ZBTB46: variants seen among roughly 807,000 people sequenced by gnomAD.
ZBTB46 encodes zinc finger and BTB domain containing 46, also known as zinc finger and BTB domain-containing protein 46.
ZBTB46 carries 8 observed loss-of-function variants against 44.1 expected under a neutral mutation model. The observed-to-expected ratio is 0.18, with a 90% confidence interval of 0.11 to 0.33. ZBTB46 has a LOEUF of 0.33. Among genes scored for constraint, ZBTB46 ranks in the 10% least tolerant of loss-of-function variants. The pLI, the probability that ZBTB46 is intolerant of heterozygous loss-of-function variation, is 1.00. For synonymous variants in ZBTB46, 409 were observed against 382.3 expected (o/e 1.07, Z -0.81); for missense variants, 651 against 847.7 (o/e 0.77, Z 2.88).
At chr20:63,749,559 A>G (rs2092140317) in intron 4 of ZBTB46, among the ~76,000 whole-genome samples, 2 of 152,120 alleles carry the variant, frequency 1.3e-5, no homozygotes, top group Non-Finnish European at 2.9e-5. Flanking sequence ...GATGGTCTCG[A>G]TCTCCTGACC....
chr20:63,808,834 C>G (rs577449296), intron 1 of ZBTB46, among the ~76,000 whole-genome samples: 1 of 151,778 alleles, frequency 6.6e-6, no homozygotes, highest in Non-Finnish European at 1.5e-5. Flanking sequence ...AAAAATTAGC[C>G]GGGCGTGGTG....
rs943636648 is a variant in ZBTB46, at chr20:63,746,233, TGGG to T, written c.*694_*696del. 2 of 152,778 alleles carry T rather than the reference TGGG, an allele frequency of 1.3e-5. No homozygotes were observed. Among genetic ancestry groups the T allele is most frequent in the Non-Finnish European group, 2.9e-5 (2 of 68,158 alleles). 9.5% of individuals were successfully genotyped at this position (152,778 alleles called of 1,614,324 possible). A position where few individuals can be genotyped will look rare whatever the true frequency, so the allele number is the denominator to read the frequency against. On this transcript the variant is annotated 3_prime_UTR_variant, in exon 5 of 5. Transcript: ENST00000245663. ...GGGAACCTGGTGTGGCCTGAAGTGG[TGGG>T]GGGCACAGGGCTGAGGGTCCCCTCC... is the stretch of plus-strand genomic sequence containing the variant.
At chr20:63,817,092 CG>C (rs1221361794) in intron 1 of ZBTB46, among the ~76,000 whole-genome samples, 2 of 148,892 alleles carry the variant, frequency 1.3e-5, no homozygotes, top group African/African-American at 5.0e-5. Flanking sequence ...GCAACAAGAG[CG>C]AAACTCAGTC....
chr20:63,829,698 C>A (rs762110816), intron 1 of ZBTB46, among the ~76,000 whole-genome samples: 5 of 152,238 alleles, frequency 3.3e-5, no homozygotes, highest in Non-Finnish European at 7.3e-5. Context: ...CTGATAAATA[C>A]TGTCGCTTGC....
intron 2 of ZBTB46, among the ~76,000 whole-genome samples, chr20:63,785,697 A>G (rs1392413138): frequency 6.6e-6 from 1 of 152,228 alleles, no homozygotes; most frequent in East Asian, 1.9e-4. Flanking sequence ...CCAAACCCCA[A>G]GCTTCCAAAT....
intron 3 of ZBTB46, among the ~76,000 whole-genome samples, chr20:63,774,915 A>C (rs184056502): frequency 1.3e-5 from 2 of 151,806 alleles, no homozygotes; most frequent in East Asian, 3.9e-4. Context: ...GTGTTGGCCA[A>C]GATGGTCTCG....
At chr20:63,779,324 TCCG>T (rs2092450210) in intron 2 of ZBTB46, among the ~76,000 whole-genome samples, 1 of 151,668 alleles carries the variant, frequency 6.6e-6, no homozygotes, top group Non-Finnish European at 1.5e-5. Flanking sequence ...CACCGCAACC[TCCG>T]CCTCCCGGCT....
At chr20:63,800,944 C>G (rs1159617187) in intron 1 of ZBTB46, among the ~76,000 whole-genome samples, 1 of 152,254 alleles carries the variant, frequency 6.6e-6, no homozygotes, top group Non-Finnish European at 1.5e-5. Flanking sequence ...TGGCAGGCAG[C>G]TCCACCTGCA....
At chr20:63,781,158 A>AG (rs1317290902) in intron 2 of ZBTB46, among the ~76,000 whole-genome samples, 2 of 150,716 alleles carry the variant, frequency 1.3e-5, no homozygotes, top group African/African-American at 4.9e-5. Context: ...AAAAAAAAAA[A>AG]AAAAAGAAAG....
Position 63,752,734 on chromosome 20 carries a change from G to T in ZBTB46, c.1350C>A (p.Ile450=), listed in dbSNP as rs897859239. ...CGCGCCGCGTGAACTTCTTCCCGCAGATCTCGCAGGGGTAGGGCCGCTCTC... is the reference window on the plus strand; with the variant it reads ...CGCGCCGCGTGAACTTCTTCCCGCATATCTCGCAGGGGTAGGGCCGCTCTC... The part of the protein sequence containing the change: ...HTGERPYPCE[I]CGKKFTRREH... Residue 450 remains isoleucine, a synonymous_variant, in exon 4 of 5, where the codon ATC becomes ATA. Coordinates refer to ENST00000245663, the MANE Select transcript of ZBTB46 (RefSeq NM_001369741.1). This position sits in a 1 kb window ranked among gnomAD's most constrained non-coding sequence, Gnocchi z 5.6. 1.6e-5 allele frequency: 26 copies of T among 1,609,728 alleles called. No individual in the cohort carries two copies. Among genetic ancestry groups the T allele is most frequent in the Non-Finnish European group, 2.1e-5 (25 of 1,178,018 alleles).
At chr20:63,791,508 A>AC (rs2092560803) in intron 1 of ZBTB46, among the ~76,000 whole-genome samples, 1 of 152,016 alleles carries the variant, frequency 6.6e-6, no homozygotes, top group South Asian at 2.1e-4. Flanking sequence ...AAAAAAAAAA[A>AC]AAAAAAAAAA....
intron 1 of ZBTB46, chr20:63,815,264 GGCACCGGT>G: frequency 3.7e-6 from 1 of 272,862 alleles, no homozygotes; most frequent in South Asian, 3.1e-5. Context: ...GGTGCAGGTG[GGCACCGGT>G]GCAGTGAGTG....
chr20:63,790,912 C>T (rs909817312), intron 1 of ZBTB46, 122 bp from the exon 2 acceptor site: 21 of 1,359,170 alleles, frequency 1.5e-5, no homozygotes, highest in East Asian at 7.6e-5. Flanking sequence ...ACGACCCACG[C>T]GAGAGCCCAT....
intron 1 of ZBTB46, among the ~76,000 whole-genome samples, chr20:63,825,143 G>A (rs1378195291): frequency 6.6e-6 from 1 of 151,214 alleles, no homozygotes; most frequent in African/African-American, 2.4e-5. Context: ...GCTCATGCCT[G>A]TAATCCCAGC....
At chr20:63,820,872 G>T (rs2092788095) in intron 1 of ZBTB46, among the ~76,000 whole-genome samples, 1 of 151,540 alleles carries the variant, frequency 6.6e-6, no homozygotes, top group Non-Finnish European at 1.5e-5. Context: ...GGGACTACAG[G>T]TGTCTGCCCC....
intron 2 of ZBTB46, among the ~76,000 whole-genome samples, chr20:63,789,556 C>A (rs2092542593): frequency 1.3e-5 from 2 of 152,230 alleles, no homozygotes; most frequent in African/African-American, 4.8e-5. Context: ...GGGGCCCAGC[C>A]CAGGCAGCCC....
chr20:63,792,934 C>G (rs1321220254), intron 1 of ZBTB46, among the ~76,000 whole-genome samples: 1 of 152,202 alleles, frequency 6.6e-6, no homozygotes, highest in Non-Finnish European at 1.5e-5. Flanking sequence ...CTGGGCCATC[C>G]CCTCCTTGGA....
chr20:63,769,459 C>A, intron 3 of ZBTB46: 1 of 984,350 alleles, frequency 1.0e-6, no homozygotes, highest in Non-Finnish European at 1.2e-6. Flanking sequence ...GTTCCAGAAG[C>A]ACTGACGATC....
intron 1 of ZBTB46, among the ~76,000 whole-genome samples, chr20:63,815,512 G>C: frequency 6.7e-6 from 1 of 148,290 alleles, no homozygotes; most frequent in African/African-American, 2.5e-5. Context: ...GGTGCAGTGA[G>C]TGCAGGTGCA....
Sources: allele counts gnomAD v4.1 joint callset (sites outside exome capture counted in the v4.1 genomes callset), GRCh38; gene constraint gnomAD v4.1.1; non-coding constraint Gnocchi (gnomAD v3.1); transcripts MANE v1.5; gene names NCBI Gene and HGNC (gene_info 2026-07-23, HGNC 2026-07-21).